Variants in CTIF observed in about 807,000 individuals in gnomAD.
CTIF encodes cap binding complex dependent translation initiation factor, also known as CBP80/20-dependent translation initiation factor.
A neutral mutation model predicts 66.0 loss-of-function variants in CTIF; 21 were observed. The ratio of observed to expected loss-of-function variants is 0.32; its 90% confidence interval spans 0.23 to 0.46. The LOEUF (loss-of-function observed/expected upper bound fraction) is 0.46. Among genes scored for constraint, CTIF ranks in the 20% least tolerant of loss-of-function variants. The probability of loss-of-function intolerance (pLI) is 1.00; values close to 1 mark genes in which losing one functional copy is unlikely to be tolerated. For missense variants in CTIF, 739 were observed against 812.7 expected (o/e 0.91, Z 1.10); for synonymous variants, 345 against 326.4 (o/e 1.06, Z -0.62).
At chr18:48,634,548 C>T (rs1327441428) in intron 2 of CTIF, among the ~76,000 whole-genome samples, 1 of 152,206 alleles carries the variant, frequency 6.6e-6, no homozygotes, top group Non-Finnish European at 1.5e-5. Flanking sequence ...GGTTCCCGGT[C>T]ATGCATAGAA....
chr18:48,744,699 G>A (rs2092581129), intron 7 of CTIF, among the ~76,000 whole-genome samples: 1 of 152,130 alleles, frequency 6.6e-6, no homozygotes, highest in Non-Finnish European at 1.5e-5. Flanking sequence ...ATATAGATAC[G>A]ATACTGTAAT....
At chr18:48,760,272 C>G (rs1908850849) in intron 8 of CTIF, 1 of 151,054 alleles carries the variant, frequency 6.6e-6, no homozygotes, top group African/African-American at 2.4e-5. Context: ...ACTGCAAGCT[C>G]CGCCTCCCGG....
At chr18:48,679,133 A>G (rs112970899) in intron 6 of CTIF, among the ~76,000 whole-genome samples, 1,656 of 152,378 alleles carry the variant, frequency 0.011, 9 homozygotes, top group Middle Eastern at 0.037. Flanking sequence ...AACAGGTGGC[A>G]GAAATCCTAA....
At chr18:48,642,631 T>C (rs1431474283) in intron 3 of CTIF, among the ~76,000 whole-genome samples, 2 of 152,182 alleles carry the variant, frequency 1.3e-5, no homozygotes, top group Non-Finnish European at 2.9e-5. Flanking sequence ...TGCCTTGAAC[T>C]TTTTTCTTGT....
chr18:48,648,504 A>C (rs971443061), intron 3 of CTIF, among the ~76,000 whole-genome samples: 4 of 116,558 alleles, frequency 3.4e-5, no homozygotes, highest in Admixed American at 1.8e-4. Context: ...CACACACACA[A>C]ACACACACAT....
intron 9 of CTIF, among the ~76,000 whole-genome samples, chr18:48,788,122 G>A (rs78136841): frequency 0.027 from 4,102 of 152,282 alleles, 137 homozygotes; most frequent in Admixed American, 0.1. Flanking sequence ...GGGGACAATT[G>A]GATGGCCGAC....
At chr18:48,621,688 G>A (rs952219066) in intron 2 of CTIF, 2 of 284,790 alleles carry the variant, frequency 7.0e-6, no homozygotes, top group African/African-American at 4.7e-5. Context: ...CCGTGACGGG[G>A]AAGTTTCCAC....
intron 1 of CTIF, among the ~76,000 whole-genome samples, chr18:48,584,671 C>T (rs1224977548): frequency 1.3e-5 from 2 of 152,186 alleles, no homozygotes; most frequent in Non-Finnish European, 2.9e-5. Context: ...TGGCGATGTT[C>T]AGTGCAGGCC....
intron 1 of CTIF, among the ~76,000 whole-genome samples, chr18:48,549,413 C>A (rs912330897): frequency 1.3e-5 from 2 of 152,130 alleles, no homozygotes; most frequent in Non-Finnish European, 2.9e-5. Context: ...AGTGTACTAA[C>A]GATGGCTTTA....
In CTIF at chr18:48,748,990, C is replaced by G. The variant is rs188106817; in HGVS notation, c.585-8929C>G. Among the ~76,000 whole-genome samples, 382 of 152,330 alleles carry G rather than the reference C, an allele frequency of 2.5e-3. 1 individual carries two copies. Among genetic ancestry groups the G allele is most frequent in the African/African-American group, 8.7e-3 (361 of 41,570 alleles). ...ATCTCTGAGCCTTCCCTCCACTGGC[C>G]CCTTCTCCCCAGCCCTCTTTTATTA... On this transcript the variant is annotated intron_variant, in intron 7 of 11. Coordinates refer to ENST00000256413, the MANE Select transcript of CTIF (RefSeq NM_014772.3).
chr18:48,676,648 C>T (rs2091634523), intron 6 of CTIF, among the ~76,000 whole-genome samples: 1 of 151,994 alleles, frequency 6.6e-6, no homozygotes, highest in East Asian at 2.0e-4. Context: ...TAGGGATGTG[C>T]CCAAAGCATT....
intron 7 of CTIF, among the ~76,000 whole-genome samples, chr18:48,722,893 T>TA (rs2092353562): frequency 6.6e-6 from 1 of 152,230 alleles, no homozygotes; most frequent in African/African-American, 2.4e-5. Context: ...TCTTTTTCGC[T>TA]AGACTCCCAG....
intron 1 of CTIF, chr18:48,567,459 A>G (rs986572583): frequency 3.9e-5 from 6 of 152,316 alleles, no homozygotes; most frequent in African/African-American, 1.4e-4. Context: ...GTCATTGAGT[A>G]TTTTCTTTGT....
intron 6 of CTIF, among the ~76,000 whole-genome samples, chr18:48,678,770 GT>G (rs985961597): frequency 1.6e-4 from 25 of 152,256 alleles, no homozygotes; most frequent in African/African-American, 5.3e-4. Flanking sequence ...TGGGCAGCGA[GT>G]ACTTTCAGGG....
chr18:48,834,601 A>C (rs1057151673), intron 10 of CTIF: 2 of 152,572 alleles, frequency 1.3e-5, no homozygotes, highest in Admixed American at 6.5e-5. Flanking sequence ...TGATGCCGTC[A>C]TTAGGGGGAT....
At chr18:48,599,288 A>AG (rs2090047028) in intron 1 of CTIF, among the ~76,000 whole-genome samples, 1 of 151,860 alleles carries the variant, frequency 6.6e-6, no homozygotes, top group Non-Finnish European at 1.5e-5. Context: ...TGTTCTAGCC[A>AG]GGGGGGTCAA....
intron 3 of CTIF, chr18:48,661,783 C>T (rs1214915659): frequency 2.0e-5 from 3 of 152,232 alleles, no homozygotes; most frequent in Non-Finnish European, 4.4e-5. Context: ...ATCTACAGGG[C>T]ATGGTATTTC....
intron 1 of CTIF, among the ~76,000 whole-genome samples, chr18:48,607,358 C>T (rs548607375): frequency 7.6e-4 from 115 of 152,212 alleles, no homozygotes; most frequent in Non-Finnish European, 1.4e-3. Flanking sequence ...GTGTGGGATA[C>T]ATGAGGGCTC....
chr18:48,605,524 T>G (rs1349097672), intron 1 of CTIF, among the ~76,000 whole-genome samples: 4 of 152,210 alleles, frequency 2.6e-5, no homozygotes, highest in Non-Finnish European at 5.9e-5. Context: ...CTGCTGTGTG[T>G]GTGAAGAGGT....
Sources: allele counts gnomAD v4.1 joint callset (sites outside exome capture counted in the v4.1 genomes callset), GRCh38; gene constraint gnomAD v4.1.1; transcripts MANE v1.5; gene names NCBI Gene and HGNC (gene_info 2026-07-23, HGNC 2026-07-21).